The following PALM2AKAP2 variants were observed in gnomAD, a reference collection of about 807,000 sequenced individuals.
PALM2AKAP2 encodes PALM2-AKAP2 fusion protein.
A neutral mutation model predicts 71.5 loss-of-function variants in PALM2AKAP2; 37 were observed. The ratio of observed to expected loss-of-function variants is 0.52; its 90% CI spans 0.40 to 0.68. The LOEUF (loss-of-function observed/expected upper bound fraction) is 0.68, where lower values mean the gene tolerates loss of function less well. Among genes scored for constraint, PALM2AKAP2 ranks in the 30% least tolerant of loss-of-function variants. The pLI, the probability that PALM2AKAP2 is intolerant of heterozygous loss-of-function variation, is 0.00. For missense variants in PALM2AKAP2, 1,224 were observed against 1,191.8 expected (o/e 1.03, Z -0.40); for synonymous variants, 468 against 478.8 (o/e 0.98, Z 0.29).
chr9:109,844,869 G>C (rs893974230), intron 1 of PALM2AKAP2, among the ~76,000 whole-genome samples: 3 of 152,026 alleles, frequency 2.0e-5, no homozygotes, highest in African/African-American at 7.2e-5. Flanking sequence ...CCTCACCTGT[G>C]CTGTAGAACC....
chr9:109,994,898 C>T (rs1832546236), intron 6 of PALM2AKAP2, among the ~76,000 whole-genome samples: 1 of 152,198 alleles, frequency 6.6e-6, no homozygotes, highest in Non-Finnish European at 1.5e-5. Context: ...CAGGGGCTCT[C>T]TTGTTCTATG....
intron 1 of PALM2AKAP2, among the ~76,000 whole-genome samples, chr9:110,061,734 T>TGGGGGTATAAATCTCAGTCCATAAA (rs1564285085): frequency 4.6e-5 from 7 of 150,660 alleles, no homozygotes; most frequent in African/African-American, 1.2e-4. Flanking sequence ...AGATGGGGTT[T>TGGGGGTATAAATCTCAGTCCATAAA]CACCATGTTG....
At chr9:110,009,352 G>A (rs72754943) in intron 6 of PALM2AKAP2, among the ~76,000 whole-genome samples, 2,859 of 152,244 alleles carry the variant, frequency 0.019, 40 homozygotes, top group Non-Finnish European at 0.029. Flanking sequence ...ATCCATTGCT[G>A]CTTCACCAGG....
chr9:110,050,106 A>G (rs2132499381), intron 1 of PALM2AKAP2, among the ~76,000 whole-genome samples: 1 of 152,350 alleles, frequency 6.6e-6, no homozygotes, highest in South Asian at 2.1e-4. Flanking sequence ...AATGCAGCAC[A>G]GGTGATTTGG....
chr9:109,720,617 GAGA>G (rs1405715982), intron 1 of PALM2AKAP2, among the ~76,000 whole-genome samples: 1 of 152,200 alleles, frequency 6.6e-6, no homozygotes, highest in East Asian at 1.9e-4. Context: ...AGCTGGCAAA[GAGA>G]AGGAGCTAGC....
chr9:110,171,132 T>A (rs1836850259), exon 4 of PALM2AKAP2: 1 of 152,248 alleles, frequency 6.6e-6, no homozygotes, highest in African/African-American at 2.4e-5. Context: ...AACCATGTGC[T>A]TCATGAAACC....
intron 3 of PALM2AKAP2, among the ~76,000 whole-genome samples, chr9:110,167,629 C>T (rs1325729296): frequency 1.3e-5 from 2 of 152,146 alleles, no homozygotes; most frequent in Non-Finnish European, 2.9e-5. Flanking sequence ...CATTGATTAG[C>T]ATGTGGGGTC....
chr9:109,929,440 A>C (rs972093904), intron 5 of PALM2AKAP2, among the ~76,000 whole-genome samples: 14 of 152,016 alleles, frequency 9.2e-5, no homozygotes, highest in African/African-American at 2.9e-4. Context: ...ATTGTCACCC[A>C]CCTGCCCCTA....
chr9:109,746,750 T>TC (rs1564132864), intron 1 of PALM2AKAP2, among the ~76,000 whole-genome samples: 2 of 152,174 alleles, frequency 1.3e-5, no homozygotes, highest in African/African-American at 4.8e-5. Context: ...GAGATAGTCC[T>TC]ATTTTATCTT....
At chr9:109,757,106 T>A (rs1467594830) in intron 1 of PALM2AKAP2, among the ~76,000 whole-genome samples, 1 of 152,132 alleles carries the variant, frequency 6.6e-6, no homozygotes, top group African/African-American at 2.4e-5. Context: ...CCACTCTTTA[T>A]CCCCACCTAC....
At chr9:109,668,945 G>T (rs1827532942) in intron 1 of PALM2AKAP2, among the ~76,000 whole-genome samples, 1 of 152,194 alleles carries the variant, frequency 6.6e-6, no homozygotes. Flanking sequence ...TACTCTCAAA[G>T]CTTAGGTCAT....
chr9:109,752,703 A>G (rs1828902505), intron 1 of PALM2AKAP2, among the ~76,000 whole-genome samples: 1 of 152,122 alleles, frequency 6.6e-6, no homozygotes. Context: ...TTTCCTAAGA[A>G]CAAGAGGAAA....
chr9:110,124,824 CA>C (rs1364071084), intron 1 of PALM2AKAP2, among the ~76,000 whole-genome samples: 1 of 152,084 alleles, frequency 6.6e-6, no homozygotes, highest in Non-Finnish European at 1.5e-5. Flanking sequence ...CCACTTAAAA[CA>C]TATCTTACAA....
chr9:109,948,023 C>T (rs926951966), intron 6 of PALM2AKAP2, among the ~76,000 whole-genome samples: 1 of 152,168 alleles, frequency 6.6e-6, no homozygotes. Context: ...TATAATAAAA[C>T]AACTTAATTA....
chr9:110,080,781 C>T (rs138170995), intron 1 of PALM2AKAP2, among the ~76,000 whole-genome samples: 6,032 of 152,142 alleles, frequency 0.04, 385 homozygotes, highest in African/African-American at 0.13. Context: ...CGGGTTCAAG[C>T]GATTCTCCTG....
intron 1 of PALM2AKAP2, among the ~76,000 whole-genome samples, chr9:109,827,258 T>C (rs1173218888): frequency 6.6e-6 from 1 of 152,176 alleles, no homozygotes; most frequent in African/African-American, 2.4e-5. Flanking sequence ...TTGAGAGTCA[T>C]CAGTCTAGGA....
chr9:109,729,476 A>G (rs535093978), intron 1 of PALM2AKAP2, among the ~76,000 whole-genome samples: 19 of 152,326 alleles, frequency 1.2e-4, no homozygotes, highest in African/African-American at 3.8e-4. Flanking sequence ...TAGCCATCTG[A>G]CTTTGAGCAA....
Position 109,864,005 on chromosome 9 carries a change from A to G in PALM2AKAP2, c.46-3486A>G, listed in dbSNP as rs117923182. ...TGACACAGGGAAATTGCTTGAACTC[A>G]GGAAGCAGAGGTTGCAGTGAGCTGA... On this transcript the variant is annotated intron_variant, in intron 1 of 9. Coordinates refer to the PALM2AKAP2 transcript ENST00000302798. Among the ~76,000 whole-genome samples the G allele has an allele frequency of 4.9e-3, 747 of 152,146 alleles. 3 individuals carry two copies. The highest frequency in any genetic ancestry group is 8.7e-3 in the Non-Finnish European group (591 of 68,006).
At chr9:109,926,081 A>AAAAAG (rs1830950121) in intron 5 of PALM2AKAP2, among the ~76,000 whole-genome samples, 1 of 152,186 alleles carries the variant, frequency 6.6e-6, no homozygotes, top group South Asian at 2.1e-4. Context: ...AAAACAAACA[A>AAAAAG]AAAAGGTCAA....
Sources: allele counts gnomAD v4.1 joint callset (sites outside exome capture counted in the v4.1 genomes callset), GRCh38; gene constraint gnomAD v4.1.1; transcripts MANE v1.5; gene names NCBI Gene and HGNC (gene_info 2026-07-23, HGNC 2026-07-21).